Variants in ITGA9 observed in about 807,000 individuals in gnomAD.
ITGA9 encodes integrin subunit alpha 9, also known as integrin alpha-9.
A neutral mutation model predicts 127.8 loss-of-function variants in ITGA9; 56 were observed. The ratio of observed to expected loss-of-function variants is 0.44; its 90% CI spans 0.35 to 0.55. ITGA9 has a LOEUF of 0.55. Ranked by LOEUF, ITGA9 falls within the 20% of genes least tolerant of loss-of-function variation. ITGA9 has a pLI of 0.00. For synonymous variants in ITGA9, 508 were observed against 514.5 expected (o/e 0.99, Z 0.17); for missense variants, 1,196 against 1,347.1 (o/e 0.89, Z 1.76).
chr3:37,492,906 G>C (rs1471678297), intron 4 of ITGA9, among the ~76,000 whole-genome samples: 1 of 152,094 alleles, frequency 6.6e-6, no homozygotes, highest in African/African-American at 2.4e-5. Context: ...TTATTAATTT[G>C]TATTATTTCT....
At chr3:37,616,830 C>T (rs1575168542) in intron 15 of ITGA9, among the ~76,000 whole-genome samples, 2 of 152,334 alleles carry the variant, frequency 1.3e-5, no homozygotes, top group East Asian at 3.9e-4. Context: ...GATCTTCCTC[C>T]ATCCCTTTAT....
Position 37,629,616 on chromosome 3 carries a change from C to T in ITGA9, c.1839+280C>T, listed in dbSNP as rs1381118480. 2 of 605,634 alleles carry T rather than the reference C, an allele frequency of 3.3e-6. No homozygotes were observed. The highest frequency in any genetic ancestry group is 2.7e-5 in the East Asian group (1 of 36,412). The allele number at this position is 605,634 out of a possible 1,614,324, so 37.5% of individuals were successfully genotyped here. On this transcript the variant is annotated intron_variant, in intron 16 of 27. Transcript: ENST00000264741. The surrounding 1 kb of genome is among the most constrained non-coding windows in gnomAD (Gnocchi z 4.5). The stretch of plus-strand genomic sequence containing the variant: ...TTCGTGAACTGGCTGGCCACTTGGT[C>T]CCTGAACTTGCCTCTGTTCCTAGAC...
intron 27 of ITGA9, chr3:37,818,572 T>G: frequency 2.8e-6 from 1 of 359,274 alleles, no homozygotes; most frequent in Non-Finnish European, 5.3e-6. Context: ...CATGAAACCT[T>G]TTTTTACTCC....
chr3:37,788,806 T>G (rs1012130818), intron 26 of ITGA9, among the ~76,000 whole-genome samples: 1 of 152,180 alleles, frequency 6.6e-6, no homozygotes, highest in African/African-American at 2.4e-5. Flanking sequence ...CATGGTTTTT[T>G]AATTTAATTA....
At chr3:37,489,765 A>G (rs1460178163) in intron 4 of ITGA9, among the ~76,000 whole-genome samples, 1 of 137,418 alleles carries the variant, frequency 7.3e-6, no homozygotes, top group African/African-American at 2.8e-5. Context: ...ATTATCAGTT[A>G]TTTAGATTTG....
rs1698997127 is a variant in ITGA9 at position 37,517,605 on chromosome 3, C to T, written c.1137C>T (p.Phe379=). Residue 379 remains phenylalanine (F), a synonymous_variant, in exon 10 of 28, where the codon TTC becomes TTT. Coordinates refer to ENST00000264741, the MANE Select transcript of ITGA9 (RefSeq NM_002207.3). The part of the protein sequence containing the change: ...ASLDDLDNDG[F]PDVAIGAPKE... ...TGGACGATCTGGACAATGATGGGTT[C>T]CCAGGTGAGTGAGTGCTCCTGGTGC... 6.3e-7 allele frequency: 1 copy of T among 1,575,246 alleles called. No homozygotes were observed. Among genetic ancestry groups the T allele is most frequent in the Middle Eastern group, 1.7e-4 (1 of 5,744 alleles).
At chr3:37,481,716 T>C (rs1559517118) in intron 4 of ITGA9, 109 bp downstream of exon 4, 6 of 1,413,652 alleles carry the variant, frequency 4.2e-6, no homozygotes, top group African/African-American at 1.4e-5. Flanking sequence ...TTCCACATGC[T>C]CATGATAGGG....
chr3:37,815,728 T>A lies in ITGA9; in HGVS notation c.3010-3163T>A, dbSNP rs1446378720. Among the ~76,000 whole-genome samples, 6 of 152,140 alleles carry A rather than the reference T, an allele frequency of 3.9e-5. No homozygotes were observed. The East Asian group carries it at 9.7e-4, about 25-fold the overall frequency. Reference sequence around the variant, plus strand: ...TTAAGTCAGCAAAAAAAATATTGAGTCTGTACCAGTTAACTTATGCTACTT... The same window carrying A: ...TTAAGTCAGCAAAAAAAATATTGAGACTGTACCAGTTAACTTATGCTACTT... On this transcript the variant is annotated intron_variant, in intron 27 of 27. Transcript: ENST00000264741.
chr3:37,555,315 C>T (rs1025274359), intron 15 of ITGA9, among the ~76,000 whole-genome samples: 2 of 152,184 alleles, frequency 1.3e-5, no homozygotes, highest in Non-Finnish European at 2.9e-5. Flanking sequence ...TTTTGCTCTC[C>T]AGCAGAACTT....
intron 23 of ITGA9, among the ~76,000 whole-genome samples, chr3:37,767,342 C>A (rs1331943436): frequency 6.6e-6 from 1 of 152,162 alleles, no homozygotes; most frequent in Admixed American, 6.5e-5. Flanking sequence ...AGACTCCATA[C>A]CACTTTTCAC....
intron 15 of ITGA9, among the ~76,000 whole-genome samples, chr3:37,545,334 A>AT (rs1008625700): frequency 1.3e-5 from 2 of 151,780 alleles, no homozygotes; most frequent in South Asian, 2.1e-4. Context: ...ATCTTTAGGT[A>AT]TTTTTTTCTT....
chr3:37,558,198 T>TGCAG (rs1699449550), intron 15 of ITGA9, among the ~76,000 whole-genome samples: 1 of 152,190 alleles, frequency 6.6e-6, no homozygotes, highest in Admixed American at 6.5e-5. Flanking sequence ...CACTTCTGTT[T>TGCAG]GATCTTCCCT....
At chr3:37,652,493 G>A (rs1700439312) in intron 16 of ITGA9, among the ~76,000 whole-genome samples, 1 of 152,180 alleles carries the variant, frequency 6.6e-6, no homozygotes, top group Non-Finnish European at 1.5e-5. Context: ...GGAAGGGAGT[G>A]TTGGCTGGGA....
chr3:37,697,871 A>G (rs1262576280), intron 18 of ITGA9, among the ~76,000 whole-genome samples: 1 of 152,204 alleles, frequency 6.6e-6, no homozygotes, highest in Non-Finnish European at 1.5e-5. Flanking sequence ...GGCTGGGTCA[A>G]ATGGTGTTTC....
chr3:37,655,232 A>G (rs1378791304), intron 17 of ITGA9, among the ~76,000 whole-genome samples: 1 of 152,186 alleles, frequency 6.6e-6, no homozygotes, highest in African/African-American at 2.4e-5. Flanking sequence ...GCTGGGTCAA[A>G]TGGTATTTCT....
intron 18 of ITGA9, among the ~76,000 whole-genome samples, chr3:37,729,513 T>C (rs1281165736): frequency 1.3e-5 from 2 of 152,180 alleles, no homozygotes; most frequent in Non-Finnish European, 1.5e-5. Context: ...AATGTTACGT[T>C]CTAGCATTTG....
chr3:37,649,150 G>A (rs182423181), intron 16 of ITGA9, among the ~76,000 whole-genome samples: 7 of 146,106 alleles, frequency 4.8e-5, no homozygotes, highest in East Asian at 2.0e-4. Flanking sequence ...AAAGAAAACC[G>A]CAAGGGAGAA....
intron 22 of ITGA9, chr3:37,748,184 T>C: frequency 2.2e-6 from 1 of 453,446 alleles, no homozygotes; most frequent in Non-Finnish European, 4.3e-6. Flanking sequence ...CATGGAGTTG[T>C]TTTTTTGGCC....
intron 15 of ITGA9, among the ~76,000 whole-genome samples, chr3:37,581,923 T>G (rs778845408): frequency 2.6e-5 from 4 of 152,228 alleles, no homozygotes; most frequent in Non-Finnish European, 5.9e-5. Flanking sequence ...AATCTGGGTC[T>G]TAAACCACTT....
Sources: gnomAD v4.1 joint callset for allele counts (sites outside exome capture counted in the v4.1 genomes callset) on GRCh38, gnomAD v4.1.1 for gene constraint, Gnocchi (gnomAD v3.1) non-coding constraint, MANE v1.5 for transcripts, NCBI Gene and HGNC (gene_info 2026-07-23, HGNC 2026-07-21) for gene names.